Variants in SERPINE2 observed in about 807,000 individuals in gnomAD.
The protein encoded by SERPINE2 is glia-derived nexin.
A neutral mutation model predicts 36.3 loss-of-function variants in SERPINE2; 14 were observed. The ratio of observed to expected loss-of-function variants is 0.39; its 90% CI spans 0.25 to 0.60. The LOEUF (loss-of-function observed/expected upper bound fraction) is 0.60, where lower values mean the gene tolerates loss of function less well. Among genes scored for constraint, SERPINE2 ranks in the 20% least tolerant of loss-of-function variants. SERPINE2 has a pLI of 0.57. For synonymous variants in SERPINE2, 192 were observed against 191.8 expected (o/e 1.00, Z -0.01); for missense variants, 418 against 499.6 (o/e 0.84, Z 1.56).
intron 1 of SERPINE2, among the ~76,000 whole-genome samples, chr2:224,019,543 T>C (rs4583456): frequency 0.94 from 143,650 of 152,086 alleles, 68,196 homozygotes; most frequent in Non-Finnish European, 0.99. Context: ...GGGACCTTGT[T>C]CATCCTGTTC....
At position 224,006,282 on chromosome 2, in the gene SERPINE2, A is replaced by C. The variant is rs1259372927; in HGVS notation, c.-22-4360T>G. On this transcript the variant is annotated intron_variant, in intron 1 of 8. Coordinates refer to ENST00000409304, the MANE Select transcript of SERPINE2 (RefSeq NM_001136528.2). Reference sequence around the variant, plus strand: ...TACCTGTTTTCACTTGATCGTTCAGAAAAATTATCCACTGGTGGGGAGGGG... The same window carrying C: ...TACCTGTTTTCACTTGATCGTTCAGCAAAATTATCCACTGGTGGGGAGGGG... Among the ~76,000 whole-genome samples the C allele has an allele frequency of 2.0e-5, 3 of 152,156 alleles. No homozygotes were observed. In the East Asian group the frequency reaches 5.8e-4, roughly 29 times the overall value.
intron 1 of SERPINE2, among the ~76,000 whole-genome samples, chr2:224,020,763 T>C (rs1349623651): frequency 2.0e-5 from 3 of 152,160 alleles, no homozygotes; most frequent in Non-Finnish European, 4.4e-5. Context: ...TAATTGAAAA[T>C]ACTGCACATA....
At chr2:223,980,148 G>T in intron 7 of SERPINE2, 163 bp downstream of exon 7, 1 of 562,724 alleles carries the variant, frequency 1.8e-6, no homozygotes, top group Non-Finnish European at 3.2e-6. Flanking sequence ...TGTGGTTACA[G>T]GTCTTCAGTC....
intron 5 of SERPINE2, among the ~76,000 whole-genome samples, chr2:223,983,170 T>C (rs1690288162): frequency 6.6e-6 from 1 of 152,228 alleles, no homozygotes; most frequent in African/African-American, 2.4e-5. Context: ...GTTCTCCATA[T>C]CCATCTTGGC....
intron 2 of SERPINE2, among the ~76,000 whole-genome samples, chr2:223,999,071 A>G (rs1691003979): frequency 6.6e-6 from 1 of 152,224 alleles, no homozygotes; most frequent in Non-Finnish European, 1.5e-5. Flanking sequence ...CTTTCTTGCC[A>G]AAGATTTAAC....
chr2:223,978,058 G>A, intron 7 of SERPINE2: 1 of 162,566 alleles, frequency 6.2e-6, no homozygotes, highest in Admixed American at 6.0e-5. Context: ...TGGGGATGGA[G>A]TCTCACTCTG....
At chr2:224,020,218 C>A (rs1195679012) in intron 1 of SERPINE2, among the ~76,000 whole-genome samples, 1 of 152,062 alleles carries the variant, frequency 6.6e-6, no homozygotes, top group East Asian at 1.9e-4. Flanking sequence ...AACTGTCTAC[C>A]CTGAGAGACT....
chr2:224,017,173 G>T (rs1052327234), intron 1 of SERPINE2, among the ~76,000 whole-genome samples: 1 of 152,192 alleles, frequency 6.6e-6, no homozygotes, highest in Non-Finnish European at 1.5e-5. Context: ...TGTGATGTCA[G>T]TTTCCTGGTT....
chr2:223,991,298 CCCCGAGGAAG>C (rs1187667474), intron 4 of SERPINE2, among the ~76,000 whole-genome samples: 2 of 152,282 alleles, frequency 1.3e-5, no homozygotes, highest in East Asian at 3.9e-4. Flanking sequence ...GGAGCCAGGA[CCCCGAGGAAG>C]TCCTCGGACC....
At chr2:224,023,845 G>C (rs1316198347) in intron 1 of SERPINE2, among the ~76,000 whole-genome samples, 1 of 152,170 alleles carries the variant, frequency 6.6e-6, no homozygotes, top group African/African-American at 2.4e-5. Context: ...TCTGGCTCTT[G>C]TAATCAAGGT....
chr2:224,014,522 GA>G (rs1419769883), intron 1 of SERPINE2, among the ~76,000 whole-genome samples: 1 of 152,230 alleles, frequency 6.6e-6, no homozygotes, highest in Non-Finnish European at 1.5e-5. Flanking sequence ...GGGAAAGTCA[GA>G]GGGATCATTG....
intron 6 of SERPINE2, chr2:223,980,774 C>A (rs1238197128): frequency 1.5e-5 from 3 of 200,256 alleles, no homozygotes; most frequent in Non-Finnish European, 3.1e-5. Context: ...AATGCAGATG[C>A]AGAAGGGATT....
At position 223,975,649 on chromosome 2, in the gene SERPINE2, T is replaced by C; in HGVS notation, c.*218A>G. On this transcript the variant is annotated 3_prime_UTR_variant, in exon 9 of 9. Transcript: ENST00000409304. The stretch of plus-strand genomic sequence containing the variant: ...TCTTTTAGACATCTGGAAGCCTTTC[T>C]ATTCATTCCTCAGTACAGTGTTCCA... 2.4e-6 allele frequency: 1 copy of C among 408,332 alleles called. No homozygotes were observed. Among genetic ancestry groups the C allele is most frequent in the Non-Finnish European group, 4.4e-6 (1 of 228,992 alleles). The allele number at this position is 408,332 out of a possible 1,614,324, so 25.3% of individuals were successfully genotyped here. A position where few individuals can be genotyped will look rare whatever the true frequency, so the allele number is the denominator to read the frequency against.
At chr2:223,986,350 AG>A (rs1363986854) in intron 4 of SERPINE2, among the ~76,000 whole-genome samples, 1 of 152,152 alleles carries the variant, frequency 6.6e-6, no homozygotes, top group East Asian at 1.9e-4. Flanking sequence ...AGCTCGCCTC[AG>A]CTCCCATGTG....
chr2:224,021,331 G>A (rs1691991733), intron 1 of SERPINE2, among the ~76,000 whole-genome samples: 2 of 152,274 alleles, frequency 1.3e-5, no homozygotes, highest in South Asian at 4.2e-4. Context: ...AACGGAGCTT[G>A]AGAGGTTGCA....
At chr2:223,998,063 T>G in intron 3 of SERPINE2, 52 bp downstream of exon 3, 1 of 1,452,684 alleles carries the variant, frequency 6.9e-7, no homozygotes, top group Non-Finnish European at 9.7e-7. Context: ...GGAGTCTAAC[T>G]CATGCTTCAT....
intron 1 of SERPINE2, among the ~76,000 whole-genome samples, chr2:224,019,217 T>C (rs1691904702): frequency 6.6e-6 from 1 of 152,088 alleles, no homozygotes; most frequent in South Asian, 2.1e-4. Flanking sequence ...AAATTAGGCA[T>C]AGTAAGAGAT....
At chr2:224,000,041 C>T (rs6726753) in intron 2 of SERPINE2, among the ~76,000 whole-genome samples, 2,528 of 152,292 alleles carry the variant, frequency 0.017, 61 homozygotes, top group African/African-American at 0.057. Context: ...GTGCTGGCAG[C>T]CCTGGAGGCC....
chr2:224,005,065 T>TTATATATATA lies in SERPINE2; in HGVS notation c.-22-3153_-22-3144dup, dbSNP rs71058976. On this transcript the variant is annotated intron_variant, in intron 1 of 8. Transcript: ENST00000409304. ...ATATATTTTATATATTTTATATATA[T>TTATATATATA]TATATATATATATATATATATATAT... is the stretch of plus-strand genomic sequence containing the variant. Among the ~76,000 whole-genome samples the TTATATATATA allele has an allele frequency of 8.6e-3, 288 of 33,434 alleles. 3 individuals are homozygous for TTATATATATA. Among genetic ancestry groups the TTATATATATA allele is most frequent in the African/African-American group, 0.027 (263 of 9,912 alleles). 21.9% of individuals were successfully genotyped at this position (33,434 alleles called of 152,430 possible). A position where few individuals can be genotyped will look rare whatever the true frequency, so the allele number is the denominator to read the frequency against.
Sources: allele counts gnomAD v4.1 joint callset (sites outside exome capture counted in the v4.1 genomes callset), GRCh38; gene constraint gnomAD v4.1.1; transcripts MANE v1.5; gene names NCBI Gene and HGNC (gene_info 2026-07-23, HGNC 2026-07-21).